The following ASIP variants were observed in gnomAD, a reference collection of about 807,000 sequenced individuals.
The protein encoded by ASIP is agouti signaling protein, also known as agouti-signaling protein.
A neutral mutation model predicts 10.3 loss-of-function variants in ASIP; 11 were observed. The ratio of observed to expected loss-of-function variants is 1.07; its 90% confidence interval spans 0.68 to 1.78. The LOEUF is 1.78. Among genes scored for constraint, ASIP ranks in the 40% most tolerant of loss-of-function variants. The probability of loss-of-function intolerance (pLI) is 0.00; values close to 1 mark genes in which losing one functional copy is unlikely to be tolerated. For synonymous variants in ASIP, 70 were observed against 70.8 expected, an observed-to-expected ratio of 0.99 and a Z score of 0.06; for missense variants, 180 against 169.2, an observed-to-expected ratio of 1.06 and a Z score of -0.35.
At chr20:34,216,291 C>T (rs1168178345) in intron 1 of ASIP, among the ~76,000 whole-genome samples, 3 of 152,216 alleles carry the variant, frequency 2.0e-5, no homozygotes, top group African/African-American at 7.2e-5. Flanking sequence ...CGCGAAGCGC[C>T]CTCTCCGAGT....
chr20:34,248,290 C>G (rs145169027), intron 1 of ASIP, among the ~76,000 whole-genome samples: 2 of 152,220 alleles, frequency 1.3e-5, no homozygotes, highest in African/African-American at 4.8e-5. Flanking sequence ...CTTATGACAT[C>G]TCAATATTAC....
At chr20:34,217,563 G>GTATTTATT (rs200194445) in intron 1 of ASIP, among the ~76,000 whole-genome samples, 10 of 151,834 alleles carry the variant, frequency 6.6e-5, no homozygotes, top group Non-Finnish European at 1.0e-4. Flanking sequence ...GCTTATTTAT[G>GTATTTATT]TATTTATTTA....
At chr20:34,219,956 G>T (rs909618386) in intron 1 of ASIP, among the ~76,000 whole-genome samples, 1 of 152,204 alleles carries the variant, frequency 6.6e-6, no homozygotes, top group Non-Finnish European at 1.5e-5. Context: ...TGGGCGTGGT[G>T]GTGGGTGCCT....
chr20:34,247,319 G>C (rs917345447), intron 1 of ASIP, among the ~76,000 whole-genome samples: 1 of 46,022 alleles, frequency 2.2e-5, no homozygotes, highest in African/African-American at 8.5e-5. Flanking sequence ...TTTTTTTTTT[G>C]AGACAGAGTC....
chr20:34,188,890 C>G, the ASIP span, among the ~76,000 whole-genome samples: 1 of 152,128 alleles, frequency 6.6e-6, no homozygotes, highest in South Asian at 2.1e-4. Flanking sequence ...TAAACCAATT[C>G]AGGATCATGA....
intron 1 of ASIP, among the ~76,000 whole-genome samples, chr20:34,226,987 C>T (rs1169373096): frequency 6.6e-6 from 1 of 152,048 alleles, no homozygotes; most frequent in Non-Finnish European, 1.5e-5. Flanking sequence ...ACTGGACATT[C>T]CAGTTAATTC....
chr20:34,203,753 G>A (rs748675840), intron 1 of ASIP, among the ~76,000 whole-genome samples: 18 of 149,308 alleles, frequency 1.2e-4, no homozygotes, highest in South Asian at 6.4e-4. Context: ...ATGGAGTTTC[G>A]CTCTTTTTTG....
chr20:34,220,327 T>C (rs377050806), intron 1 of ASIP, among the ~76,000 whole-genome samples: 1 of 152,144 alleles, frequency 6.6e-6, no homozygotes, highest in Non-Finnish European at 1.5e-5. Context: ...CCGGGTGCAG[T>C]GGCTCACGCC....
Position 34,225,932 on chromosome 20 carries a change from C to T in ASIP, c.-11+31172C>T, listed in dbSNP as rs558168160. ...TTTTTGAAACGGAGTCTTGCTGTGT[C>T]GCCCAGGCTGGAGTGTAGTGGCGCA... On this transcript the variant is annotated intron_variant, in intron 1 of 3. Coordinates refer to the ASIP transcript ENST00000568305. 8.7e-3 allele frequency among the ~76,000 whole-genome samples: 1,319 copies of T among 151,258 alleles called. 10 individuals carry two copies. The highest frequency in any genetic ancestry group is 0.014 in the Non-Finnish European group (937 of 67,912).
chr20:34,239,760 C>G (rs1266005042), upstream of ASIP, among the ~76,000 whole-genome samples: 1 of 152,156 alleles, frequency 6.6e-6, no homozygotes, highest in Non-Finnish European at 1.5e-5. Flanking sequence ...CTACAAATCA[C>G]CAAAAGAAAT....
intron 1 of ASIP, among the ~76,000 whole-genome samples, chr20:34,207,365 G>T (rs1474376577): frequency 1.3e-5 from 2 of 152,102 alleles, no homozygotes; most frequent in Non-Finnish European, 2.9e-5. Flanking sequence ...AGAAATGCCT[G>T]TTCATTTTTA....
intron 1 of ASIP, among the ~76,000 whole-genome samples, chr20:34,235,645 A>G (rs975279821): frequency 1.3e-5 from 2 of 151,696 alleles, no homozygotes; most frequent in Non-Finnish European, 1.5e-5. Flanking sequence ...CTGGCTGGGC[A>G]TGGTAGCGCA....
At chr20:34,198,030 A>G (rs1185476742) in intron 1 of ASIP, among the ~76,000 whole-genome samples, 1 of 151,520 alleles carries the variant, frequency 6.6e-6, no homozygotes, top group African/African-American at 2.4e-5. Flanking sequence ...ATGTTGTGGT[A>G]GCTGACTTTT....
chr20:34,244,310 C>A (rs1350339069), intron 1 of ASIP, among the ~76,000 whole-genome samples: 1 of 152,192 alleles, frequency 6.6e-6, no homozygotes, highest in Non-Finnish European at 1.5e-5. Context: ...GTTTCACTTG[C>A]TATTTCCAGG....
chr20:34,245,977 T>A (rs2035368483), intron 1 of ASIP: 2 of 1,355,242 alleles, frequency 1.5e-6, no homozygotes, highest in Non-Finnish European at 2.1e-6. Flanking sequence ...CTCCAAGATC[T>A]TTGATGCTGT....
chr20:34,224,541 A>C (rs2035079688), intron 1 of ASIP, among the ~76,000 whole-genome samples: 2 of 152,192 alleles, frequency 1.3e-5, no homozygotes, highest in African/African-American at 4.8e-5. Context: ...AGAAACATGC[A>C]TACATTTTCT....
upstream of ASIP, among the ~76,000 whole-genome samples, chr20:34,193,176 G>C (rs987288996): frequency 6.6e-6 from 1 of 152,178 alleles, no homozygotes. Context: ...AGAAATATGT[G>C]AGCATGCTTA....
Position 34,200,969 on chromosome 20 carries a change from T to TTTCTTTCC in ASIP, c.-11+6212_-11+6213insTTTCCTTC, listed in dbSNP as rs1568744348. Among the ~76,000 whole-genome samples the TTTCTTTCC allele has an allele frequency of 6.2e-3, 455 of 72,828 alleles. 8 individuals carry two copies. Among genetic ancestry groups the TTTCTTTCC allele is most frequent in the Middle Eastern group, 0.029 (4 of 138 alleles). 47.8% of individuals were successfully genotyped at this position (72,828 alleles called of 152,430 possible). On this transcript the variant is annotated intron_variant, in intron 1 of 3. Transcript: ENST00000568305. The stretch of plus-strand genomic sequence containing the variant: ...TTGATTTTCTTTCTTTCTTTCTTTC[T>TTTCTTTCC]TTCCTTCCTTCCTTCCTTCCTTCCT...
intron 1 of ASIP, among the ~76,000 whole-genome samples, chr20:34,241,925 A>G (rs2035289449): frequency 6.6e-6 from 1 of 152,196 alleles, no homozygotes; most frequent in Non-Finnish European, 1.5e-5. Flanking sequence ...TTCATTTCAT[A>G]TTTATTAGAG....
Sources: gnomAD v4.1 joint callset for allele counts (sites outside exome capture counted in the v4.1 genomes callset) on GRCh38, gnomAD v4.1.1 for gene constraint, MANE v1.5 for transcripts, NCBI Gene and HGNC (gene_info 2026-07-23, HGNC 2026-07-21) for gene names.